The following ARHGEF10L variants were observed in gnomAD, a reference collection of about 807,000 sequenced individuals.
The protein encoded by ARHGEF10L is Rho guanine nucleotide exchange factor 10 like.
ARHGEF10L carries 69 observed loss-of-function variants against 141.2 expected under a neutral mutation model. That is an observed-to-expected ratio of 0.49 (90% CI 0.40 to 0.60). The LOEUF (loss-of-function observed/expected upper bound fraction) is 0.60, where lower values mean the gene tolerates loss of function less well. ARHGEF10L is among the 20% of genes least tolerant of loss of function. The probability of loss-of-function intolerance (pLI) is 0.00; values close to 1 mark genes in which losing one functional copy is unlikely to be tolerated. For missense variants in ARHGEF10L, 1,482 were observed against 1,734.3 expected (o/e 0.85, Z 2.58); for synonymous variants, 711 against 718.5 (o/e 0.99, Z 0.17).
At chr1:17,659,807 GAGA>G (rs987223882) in intron 25 of ARHGEF10L, among the ~76,000 whole-genome samples, 1 of 152,208 alleles carries the variant, frequency 6.6e-6, no homozygotes. Flanking sequence ...TGGCTTATTG[GAGA>G]AGGACAGGAC....
intron 15 of ARHGEF10L, among the ~76,000 whole-genome samples, chr1:17,631,420 C>G (rs1025655412): frequency 6.6e-6 from 1 of 152,208 alleles, no homozygotes; most frequent in African/African-American, 2.4e-5. Flanking sequence ...TCTTTGTCCT[C>G]AGAGGGTGGT....
chr1:17,513,987 G>C, the ARHGEF10L span, among the ~76,000 whole-genome samples: 1 of 151,892 alleles, frequency 6.6e-6, no homozygotes, highest in Admixed American at 6.6e-5. Context: ...ACCATGCCCA[G>C]CTAATTTTGT....
intron 1 of ARHGEF10L, among the ~76,000 whole-genome samples, chr1:17,544,291 TA>T (rs894224766): frequency 6.6e-6 from 1 of 150,944 alleles, no homozygotes; most frequent in Non-Finnish European, 1.5e-5. Flanking sequence ...TATATATATA[TA>T]ATAATTTTTT....
At chr1:17,552,044 G>A (rs1230874548) in intron 1 of ARHGEF10L, among the ~76,000 whole-genome samples, 1 of 152,194 alleles carries the variant, frequency 6.6e-6, no homozygotes, top group Non-Finnish European at 1.5e-5. Context: ...AGAGCTGCAC[G>A]GGTTATTTAA....
Position 17,623,233 on chromosome 1 carries a change from C to T in ARHGEF10L, c.1200+58C>T. On this transcript the variant is annotated intron_variant, in intron 12 of 28. Coordinates refer to ENST00000361221, the MANE Select transcript of ARHGEF10L (RefSeq NM_018125.4). This position sits in a 1 kb window ranked among gnomAD's most constrained non-coding sequence, Gnocchi z 4.7. ...CAAGGTAAAACCACAACCAGTCTGA[C>T]CCCGGGGCCATGCAGTCCAGCCTCC... 1 of 1,572,626 alleles carries T rather than the reference C, an allele frequency of 6.4e-7. No homozygotes were observed. The highest frequency in any genetic ancestry group is 8.6e-7 in the Non-Finnish European group (1 of 1,156,110).
chr1:17,632,513 C>A (rs1404472653), intron 16 of ARHGEF10L, 47 bp downstream of exon 16: 35 of 1,611,316 alleles, frequency 2.2e-5, no homozygotes, highest in Non-Finnish European at 2.9e-5. Flanking sequence ...CCCTGGAGAC[C>A]CCATCCCGCC....
chr1:17,635,092 G>A, intron 18 of ARHGEF10L, 76 bp downstream of exon 18: 8 of 1,571,600 alleles, frequency 5.1e-6, no homozygotes, highest in Non-Finnish European at 6.9e-6. Context: ...CTCCTACCCA[G>A]GCTTGGCCCT....
rs764176050 is a variant in ARHGEF10L at position 17,664,527 on chromosome 1, G to A, written c.2941G>A (p.Glu981Lys). The A allele has an allele frequency of 1.9e-6, 3 of 1,608,752 alleles. No homozygotes were observed. In the Admixed American group the frequency reaches 5.0e-5, roughly 27 times the overall value. Residue 981 changes from glutamate (E) to lysine (K), a missense_variant, in exon 26 of 29, where the codon GAG (glutamate) becomes AAG (lysine). This residue lies in a region of ARHGEF10L where 858 missense variants were observed against 966.3 expected (regional missense o/e 0.89). Transcript: ENST00000361221. The stretch of plus-strand genomic sequence containing the variant: ...GCCTGTCCGCACCCTGTTGAGCCTG[G>A]AGGATGCCGTGTGGGCCAGCTGTGG... The part of the protein sequence containing the change: ...PGPVRTLLSL[E>K]DAVWASCGPR...
chr1:17,531,112 G>A, the ARHGEF10L span, among the ~76,000 whole-genome samples: 147 of 152,344 alleles, frequency 9.6e-4, 1 homozygote, highest in South Asian at 3.1e-3. Context: ...AGAGCCTGGC[G>A]TATGGTAAAT....
chr1:17,648,707 C>G (rs370924964), intron 22 of ARHGEF10L, 32 bp downstream of exon 22: 259 of 1,601,166 alleles, frequency 1.6e-4, no homozygotes, highest in Non-Finnish European at 2.0e-4. Context: ...GAGCCGACCT[C>G]GAAGGTGGCT....
chr1:17,577,500 T>C (rs2078271047), intron 1 of ARHGEF10L, among the ~76,000 whole-genome samples: 1 of 152,100 alleles, frequency 6.6e-6, no homozygotes, highest in South Asian at 2.1e-4. Flanking sequence ...TCTGTGGTGG[T>C]GGCAGGGGGC....
At chr1:17,691,101 C>T (rs1295315581) in intron 27 of ARHGEF10L, 5 of 455,142 alleles carry the variant, frequency 1.1e-5, no homozygotes, top group Non-Finnish European at 2.2e-5. Context: ...AACCTAAACT[C>T]CCTCCTCCTT....
intron 26 of ARHGEF10L, among the ~76,000 whole-genome samples, chr1:17,686,470 C>A (rs745726931): frequency 1.3e-5 from 2 of 152,158 alleles, no homozygotes; most frequent in Non-Finnish European, 2.9e-5. Context: ...GTAGGTATTC[C>A]AGGCTAGACA....
At chr1:17,632,216 C>A in intron 15 of ARHGEF10L, 105 bp from the exon 16 acceptor site, 2 of 1,463,216 alleles carry the variant, frequency 1.4e-6, no homozygotes, top group Non-Finnish European at 1.9e-6. Flanking sequence ...CCACCTCTCC[C>A]AGCCTCAGTC....
chr1:17,693,227 G>A (rs2102585045), intron 27 of ARHGEF10L, among the ~76,000 whole-genome samples: 1 of 152,322 alleles, frequency 6.6e-6, no homozygotes, highest in East Asian at 1.9e-4. Context: ...TGTGGCTGAT[G>A]GCTGTCAAAT....
At position 17,648,595 on chromosome 1, in the gene ARHGEF10L, A is replaced by G. The variant is rs1286537087; in HGVS notation, c.2314A>G (p.Lys772Glu). The change falls in exon 22 of 29, where the codon AAG (lysine) becomes GAG (glutamate). Residue 772 changes from lysine (K) to glutamate (E), a missense_variant. By Grantham distance (56) the Lys-to-Glu change is moderately conservative. Around this residue, in one of 3 missense-constraint regions of ARHGEF10L, gnomAD observed 858 missense variants for 966.3 expected, o/e 0.89. Coordinates refer to ENST00000361221, the MANE Select transcript of ARHGEF10L (RefSeq NM_018125.4). ...QPGWLCPDED[K>E]KSKAPFWCPI... Reference sequence around the variant, plus strand: ...AGGCTGGCTATGCCCGGATGAGGACAAGAAGAGCAAAGCCCCATTCTGGTG... The same window carrying G: ...AGGCTGGCTATGCCCGGATGAGGACGAGAAGAGCAAAGCCCCATTCTGGTG... The G allele has an allele frequency of 6.2e-7, 1 of 1,613,702 alleles. No homozygotes were observed. The highest frequency in any genetic ancestry group is 1.7e-5 in the Admixed American group (1 of 60,024).
At chr1:17,680,977 T>G (rs957578080) in intron 26 of ARHGEF10L, among the ~76,000 whole-genome samples, 3 of 152,124 alleles carry the variant, frequency 2.0e-5, no homozygotes, top group African/African-American at 7.2e-5. Context: ...AGAGACATGT[T>G]GGCCAGGCTG....
At chr1:17,585,546 C>T (rs1460163901) in intron 2 of ARHGEF10L, among the ~76,000 whole-genome samples, 2 of 152,286 alleles carry the variant, frequency 1.3e-5, no homozygotes, top group East Asian at 3.9e-4. Flanking sequence ...TGTGTCTCCT[C>T]CTCCGTGGCC....
chr1:17,640,173 C>T (rs756942571), intron 20 of ARHGEF10L, 29 bp from the exon 21 acceptor site: 4 of 1,598,290 alleles, frequency 2.5e-6, no homozygotes, highest in South Asian at 1.1e-5. Context: ...TGGGTACTCA[C>T]ACATCCACTC....
Sources: allele counts gnomAD v4.1 joint callset (sites outside exome capture counted in the v4.1 genomes callset), GRCh38; gene constraint gnomAD v4.1.1; regional missense constraint gnomAD v4.1.1; non-coding constraint Gnocchi (gnomAD v3.1); transcripts MANE v1.5; gene names NCBI Gene and HGNC (gene_info 2026-07-23, HGNC 2026-07-21).